Variants in CMC2 observed in about 807,000 individuals in gnomAD.
CMC2 encodes C-X9-C motif containing 2, also known as COX assembly mitochondrial protein 2 homolog.
CMC2 carries 5 observed loss-of-function variants against 7.5 expected under a neutral mutation model. The ratio of observed to expected loss-of-function variants is 0.66; its 90% CI spans 0.35 to 1.40. The LOEUF (loss-of-function observed/expected upper bound fraction) is 1.40, where lower values mean the gene tolerates loss of function less well. CMC2 is among the 40% of genes most tolerant of loss of function. CMC2 has a pLI of 0.04. For synonymous variants in CMC2, 37 were observed against 31.4 expected (o/e 1.18, Z -0.60); for missense variants, 115 against 92.3 (o/e 1.25, Z -1.01).
At chr16:80,985,317 G>T (rs1278680108) in intron 2 of CMC2, among the ~76,000 whole-genome samples, 1 of 152,124 alleles carries the variant, frequency 6.6e-6, no homozygotes, top group East Asian at 1.9e-4. Context: ...TTTTCCCGGG[G>T]CTACATGAAG....
chr16:80,985,458 T>C (rs1237269999), intron 2 of CMC2, among the ~76,000 whole-genome samples: 1 of 152,218 alleles, frequency 6.6e-6, no homozygotes, highest in Non-Finnish European at 1.5e-5. Flanking sequence ...AATAAGATTT[T>C]CGTGAAAAAT....
intron 2 of CMC2, among the ~76,000 whole-genome samples, chr16:80,985,395 C>T (rs192300338): frequency 1.3e-5 from 2 of 152,204 alleles, no homozygotes; most frequent in African/African-American, 4.8e-5. Flanking sequence ...TTAATTCAGA[C>T]ATTTAAAAAA....
chr16:81,006,316 C>T (rs57203494), intron 1 of CMC2, among the ~76,000 whole-genome samples: 2,649 of 152,364 alleles, frequency 0.017, 48 homozygotes, highest in East Asian at 0.054. Context: ...CCCGCAAATT[C>T]TCAATTGCTA....
rs1226904733 is a variant in CMC2 at position 80,972,508 on chromosome 16, A to T, written c.*3585T>A. The T allele has an allele frequency of 6.6e-6, 1 of 152,206 alleles. No individual in the cohort carries two copies. Among genetic ancestry groups the T allele is most frequent in the African/African-American group, 2.4e-5 (1 of 41,452 alleles). The allele number at this position is 152,206 out of a possible 1,614,324, so 9.4% of individuals were successfully genotyped here. On this transcript the variant is annotated 3_prime_UTR_variant, in exon 4 of 4. Coordinates refer to ENST00000219400, the MANE Select transcript of CMC2 (RefSeq NM_020188.5). ...TAAAAACTCCATGGAGATTAATCTG[A>T]TCTTAAACTTCATTTATAAAAGGTG...
rs1173882514 is a variant in CMC2, at chr16:80,977,270, C to T, written c.154-1091G>A. ...GTATTCTGATCTGGCCAGCAGGTTA[C>T]AACAGGAGACACAAAGCCTGGCACT... is the stretch of plus-strand genomic sequence containing the variant. On this transcript the variant is annotated intron_variant, in intron 3 of 3. Transcript: ENST00000219400. 2.0e-5 allele frequency among the ~76,000 whole-genome samples: 3 copies of T among 152,162 alleles called. No homozygotes were observed. In the East Asian group the frequency reaches 5.8e-4, roughly 29 times the overall value.
rs565807124 is a variant in CMC2 at position 80,975,900 on chromosome 16, G to A, written c.*193C>T. ...GGTGAAGTCAGGTTTGCTGGTAAAG[G>A]GGAGACAGTACTAAACGCCCTGCCC... On this transcript the variant is annotated 3_prime_UTR_variant, in exon 4 of 4. Coordinates refer to ENST00000219400, the MANE Select transcript of CMC2 (RefSeq NM_020188.5). 3.9e-6 allele frequency: 2 copies of A among 508,786 alleles called. No homozygotes were observed. Among genetic ancestry groups the A allele is most frequent in the African/African-American group, 4.0e-5 (2 of 50,094 alleles). 31.5% of individuals were successfully genotyped at this position (508,786 alleles called of 1,614,324 possible).
At chr16:80,988,641 A>C in intron 2 of CMC2, 2 of 695,752 alleles carry the variant, frequency 2.9e-6, no homozygotes, top group Non-Finnish European at 5.2e-6. Flanking sequence ...TACGATTACC[A>C]AAATTAGGAA....
Position 80,966,624 on chromosome 16 carries a change from T to G in CMC2, c.*9469A>C, listed in dbSNP as rs1235573930. Reference sequence around the variant, plus strand: ...TTATTTTTATTATAAAGTTTTACTTTTTTTGCAGTTCTCCTTATCTTCAGG... The same window carrying G: ...TTATTTTTATTATAAAGTTTTACTTGTTTTGCAGTTCTCCTTATCTTCAGG... On this transcript the variant is annotated 3_prime_UTR_variant, in exon 4 of 4. Coordinates refer to ENST00000219400, the MANE Select transcript of CMC2 (RefSeq NM_020188.5). 1.3e-5 allele frequency: 2 copies of G among 152,208 alleles called. No individual in the cohort carries two copies. Among genetic ancestry groups the G allele is most frequent in the East Asian group, 3.8e-4 (2 of 5,208 alleles). 9.4% of individuals were successfully genotyped at this position (152,208 alleles called of 1,614,324 possible).
intron 3 of CMC2, among the ~76,000 whole-genome samples, chr16:80,980,188 G>A (rs561002844): frequency 6.6e-6 from 1 of 152,204 alleles, no homozygotes; most frequent in East Asian, 1.9e-4. Context: ...CCGAATAGCT[G>A]GGATTACAGA....
At chr16:80,989,598 G>A (rs62056080) in intron 2 of CMC2, among the ~76,000 whole-genome samples, 8,721 of 152,198 alleles carry the variant, frequency 0.057, 362 homozygotes, top group East Asian at 0.19. Flanking sequence ...TTCTGTTTAC[G>A]GAAGAGCGGT....
rs1480158340 is a variant in CMC2 at position 80,973,468 on chromosome 16, C to CT, written c.*2624dup. ...ATCTCAACCAATCCTCACAATAACT[C>CT]TATGTGACAGGTACTGTCACTGGGT... On this transcript the variant is annotated 3_prime_UTR_variant, in exon 4 of 4. Transcript: ENST00000219400. 2 of 152,176 alleles carry CT rather than the reference C, an allele frequency of 1.3e-5. No homozygotes were observed. The highest frequency in any genetic ancestry group is 2.9e-5 in the Non-Finnish European group (2 of 68,028). 9.4% of individuals were successfully genotyped at this position (152,176 alleles called of 1,614,324 possible).
chr16:80,992,921 G>T (rs143525672), intron 2 of CMC2, among the ~76,000 whole-genome samples: 8 of 152,130 alleles, frequency 5.3e-5, no homozygotes, highest in Admixed American at 1.3e-4. Flanking sequence ...GGAACTCCAG[G>T]CCTCAAACGA....
intron 1 of CMC2, among the ~76,000 whole-genome samples, chr16:81,003,581 G>C (rs1315436123): frequency 1.3e-5 from 2 of 152,174 alleles, no homozygotes; most frequent in Non-Finnish European, 2.9e-5. Context: ...AACCATGACA[G>C]ATTTTTAATC....
rs1056744701 is a variant in CMC2 at position 80,975,133 on chromosome 16, T to C, written c.*960A>G. 2 of 152,256 alleles carry C rather than the reference T, an allele frequency of 1.3e-5. No homozygotes were observed. The highest frequency in any genetic ancestry group is 2.9e-5 in the Non-Finnish European group (2 of 68,100). The allele number at this position is 152,256 out of a possible 1,614,324, so 9.4% of individuals were successfully genotyped here. On this transcript the variant is annotated 3_prime_UTR_variant, in exon 4 of 4. Transcript: ENST00000219400. The stretch of plus-strand genomic sequence containing the variant: ...CTTGGCAGAAGGAACACTGGTGAAA[T>C]GACTGCTAGAATTGGGCACGGGAAG...
chr16:80,996,276 T>C (rs1469300894), intron 2 of CMC2, among the ~76,000 whole-genome samples: 1 of 152,214 alleles, frequency 6.6e-6, no homozygotes, highest in East Asian at 1.9e-4. Context: ...CAGAGTCTCT[T>C]TCTCTCCGCT....
intron 3 of CMC2, chr16:80,980,801 G>A: frequency 1.4e-6 from 1 of 699,334 alleles, no homozygotes; most frequent in Non-Finnish European, 2.6e-6. Context: ...AGGCTGAGGT[G>A]GGAGGATCAC....
At position 80,992,717 on chromosome 16, in the gene CMC2, T is replaced by TGTG. The variant is rs532289641; in HGVS notation, c.81+4596_81+4597insCAC. 6.3e-4 allele frequency among the ~76,000 whole-genome samples: 17 copies of TGTG among 26,902 alleles called. No homozygotes were observed. In the South Asian group the frequency reaches 0.023, roughly 36 times the overall value. 17.6% of individuals were successfully genotyped at this position (26,902 alleles called of 152,430 possible). A position where few individuals can be genotyped will look rare whatever the true frequency, so the allele number is the denominator to read the frequency against. ...CTTATTCCCCCTCCTTTTTTTTTTT[T>TGTG]TTTTTGTGTAAAGACAGGGTCTCAC... On this transcript the variant is annotated intron_variant, in intron 2 of 3. Transcript: ENST00000219400.
chr16:81,004,277 C>A (rs1473208064), intron 1 of CMC2, among the ~76,000 whole-genome samples: 2 of 152,150 alleles, frequency 1.3e-5, no homozygotes, highest in African/African-American at 4.8e-5. Context: ...GTGAAAGGAA[C>A]ATAAGACCTC....
At position 80,970,592 on chromosome 16, in the gene CMC2, TAAGG is replaced by T. The variant is rs1179366550; in HGVS notation, c.*5497_*5500del. The T allele has an allele frequency of 6.6e-6, 1 of 152,160 alleles. No individual in the cohort carries two copies. Among genetic ancestry groups the T allele is most frequent in the Non-Finnish European group, 1.5e-5 (1 of 68,022 alleles). The allele number at this position is 152,160 out of a possible 1,614,324, so 9.4% of individuals were successfully genotyped here. A position where few individuals can be genotyped will look rare whatever the true frequency, so the allele number is the denominator to read the frequency against. On this transcript the variant is annotated 3_prime_UTR_variant, in exon 4 of 4. Transcript: ENST00000219400. ...ACTGAATGTTCTAAGTACAATAAAATAAGGAAGTATAAACATTGGAAAGAAACAA... is the reference window on the plus strand; with the variant it reads ...ACTGAATGTTCTAAGTACAATAAAATAAGTATAAACATTGGAAAGAAACAA...
Sources: gnomAD v4.1 joint callset for allele counts (sites outside exome capture counted in the v4.1 genomes callset) on GRCh38, gnomAD v4.1.1 for gene constraint, MANE v1.5 for transcripts, NCBI Gene and HGNC (gene_info 2026-07-23, HGNC 2026-07-21) for gene names.